Variants in CERK observed in about 807,000 individuals in gnomAD.
CERK encodes the protein acylsphingosine kinase.
A neutral mutation model predicts 63.4 loss-of-function variants in CERK; 39 were observed. The ratio of observed to expected loss-of-function variants is 0.61; its 90% confidence interval spans 0.48 to 0.80. The LOEUF (loss-of-function observed/expected upper bound fraction) is 0.80. Among genes scored for constraint, CERK ranks in the 30% least tolerant of loss-of-function variants. CERK has a pLI of 0.00. For missense variants in CERK, 670 were observed against 714.1 expected, an observed-to-expected ratio of 0.94 and a Z score of 0.70; for synonymous variants, 302 against 280.0, an observed-to-expected ratio of 1.08 and a Z score of -0.78.
chr22:46,724,986 A>C (rs541159874), intron 1 of CERK, among the ~76,000 whole-genome samples: 1 of 151,836 alleles, frequency 6.6e-6, no homozygotes, highest in South Asian at 2.1e-4. Flanking sequence ...GCGCCACTGC[A>C]CTCCAGCCTG....
intron 1 of CERK, among the ~76,000 whole-genome samples, chr22:46,735,736 G>A (rs1601735174): frequency 6.6e-6 from 1 of 152,150 alleles, no homozygotes; most frequent in East Asian, 1.9e-4. Flanking sequence ...GAATGGGGAG[G>A]GCTGGGCAAT....
rs751211675 is a variant in CERK, at chr22:46,720,107, G to A, written c.358C>T (p.Arg120Trp). The change falls in exon 3 of 13, where the codon CGG becomes TGG. Residue 120 changes from arginine to tryptophan, a missense_variant. Coordinates refer to ENST00000216264, the MANE Select transcript of CERK (RefSeq NM_022766.6). The part of the protein sequence containing the change: ...QLCHLWLQTL[R>W]EMLEKLTSRP... Reference sequence around the variant, plus strand: ...GTACTCAGCTTCTCCAGCATCTCCCGCAGGGTCTGCAGCCACAAGTGACAC... The same window carrying A: ...GTACTCAGCTTCTCCAGCATCTCCCACAGGGTCTGCAGCCACAAGTGACAC... 3.5e-5 allele frequency: 57 copies of A among 1,613,788 alleles called. No individual in the cohort carries two copies. The highest frequency in any genetic ancestry group is 2.4e-4 in the South Asian group (22 of 91,062).
At chr22:46,695,152 A>C in intron 9 of CERK, 58 bp downstream of exon 9, 1 of 922,376 alleles carries the variant, frequency 1.1e-6, no homozygotes. Context: ...CACCTTCCTA[A>C]CCGTCCTGCT....
intron 1 of CERK, among the ~76,000 whole-genome samples, chr22:46,722,849 G>T (rs574538992): frequency 6.6e-6 from 1 of 152,334 alleles, no homozygotes; most frequent in South Asian, 2.1e-4. Flanking sequence ...AGCGACACAG[G>T]TGCTGGGGCA....
intron 6 of CERK, among the ~76,000 whole-genome samples, chr22:46,706,347 C>T (rs1002146755): frequency 1.3e-5 from 2 of 152,188 alleles, no homozygotes; most frequent in Non-Finnish European, 2.9e-5. Context: ...ACCGAGAGGT[C>T]GGCGGCACAC....
intron 8 of CERK, among the ~76,000 whole-genome samples, chr22:46,698,620 G>A (rs566347826): frequency 1.3e-5 from 2 of 152,296 alleles, no homozygotes; most frequent in South Asian, 4.1e-4. Context: ...GCCAGGCATG[G>A]TTGCTCATGG....
At chr22:46,712,092 A>C in intron 4 of CERK, 76 bp downstream of exon 4, 2 of 1,544,088 alleles carry the variant, frequency 1.3e-6, no homozygotes, top group South Asian at 2.3e-5. Context: ...GTCTAGAAAA[A>C]GCAGAAACGT....
chr22:46,732,199 A>G (rs1293255059), intron 1 of CERK, among the ~76,000 whole-genome samples: 2 of 151,966 alleles, frequency 1.3e-5, no homozygotes, highest in Non-Finnish European at 2.9e-5. Flanking sequence ...GGCCTAGGAG[A>G]GAGGCCGAGT....
chr22:46,717,055 C>T (rs968433107), intron 3 of CERK, among the ~76,000 whole-genome samples: 2 of 152,092 alleles, frequency 1.3e-5, no homozygotes, highest in Non-Finnish European at 1.5e-5. Flanking sequence ...TCTGAATGGC[C>T]CATGAACATA....
intron 8 of CERK, 104 bp downstream of exon 8, chr22:46,699,208 TG>T (rs1397098077): frequency 6.6e-6 from 8 of 1,205,618 alleles, no homozygotes; most frequent in Non-Finnish European, 9.7e-6. Context: ...TGTGAGCAGG[TG>T]GGGGCCCACC....
intron 9 of CERK, among the ~76,000 whole-genome samples, chr22:46,694,944 C>A (rs966372093): frequency 6.6e-6 from 1 of 152,234 alleles, no homozygotes; most frequent in Admixed American, 6.5e-5. Flanking sequence ...TCAGCCCCCA[C>A]TCCAACAGTG....
chr22:46,685,082 G>GA lies in CERK; in HGVS notation c.*2051_*2052insT, dbSNP rs954495006. 3 of 135,890 alleles carry GA rather than the reference G, an allele frequency of 2.2e-5. No homozygotes were observed. Among genetic ancestry groups the GA allele is most frequent in the South Asian group, 4.5e-4 (2 of 4,470 alleles). The allele number at this position is 135,890 out of a possible 1,614,324, so 8.4% of individuals were successfully genotyped here. ...GGGAAACTTTTTTTTTTGTTGGGGG[G>GA]GGCGATGGAGTCTCCCTCTGTTTGC... On this transcript the variant is annotated 3_prime_UTR_variant, in exon 13 of 13. Transcript: ENST00000216264.
chr22:46,723,064 G>A (rs1269450706), intron 1 of CERK, among the ~76,000 whole-genome samples: 1 of 152,162 alleles, frequency 6.6e-6, no homozygotes, highest in Non-Finnish European at 1.5e-5. Context: ...CAAGTGTTCG[G>A]GACAGGGCAA....
At chr22:46,732,096 A>G (rs1419824028) in intron 1 of CERK, among the ~76,000 whole-genome samples, 1 of 152,176 alleles carries the variant, frequency 6.6e-6, no homozygotes, top group Non-Finnish European at 1.5e-5. Flanking sequence ...GAGAAGAGGT[A>G]TGGGATCCGG....
At position 46,713,521 on chromosome 22, in the gene CERK, A is replaced by C. The variant is rs906435061; in HGVS notation, c.380-1228T>G. ...GAGACTTCATCTCAAAAAAAAAAAA[A>C]AAAAAAAACAAACAAACAAAAAAAC... On this transcript the variant is annotated intron_variant, in intron 3 of 12. Coordinates refer to ENST00000216264, the MANE Select transcript of CERK (RefSeq NM_022766.6). Among the ~76,000 whole-genome samples the C allele has an allele frequency of 6.7e-3, 1,016 of 150,954 alleles. 13 individuals are homozygous for C. The highest frequency in any genetic ancestry group is 0.023 in the African/African-American group (961 of 41,134).
chr22:46,721,445 CA>C (rs2082892300), intron 1 of CERK, among the ~76,000 whole-genome samples: 2 of 151,972 alleles, frequency 1.3e-5, no homozygotes, highest in Admixed American at 1.3e-4. Context: ...CCCCCTCCCC[CA>C]AAAAGGAAGG....
chr22:46,691,901 A>C, intron 10 of CERK, 124 bp from the exon 11 acceptor site: 135 of 644,930 alleles, frequency 2.1e-4, no homozygotes, highest in Middle Eastern at 8.7e-4. Context: ...ACTTCATGCA[A>C]TCGACTCTTC....
intron 1 of CERK, among the ~76,000 whole-genome samples, chr22:46,732,336 G>T (rs1037531992): frequency 2.0e-5 from 3 of 151,032 alleles, no homozygotes; most frequent in African/African-American, 7.3e-5. Flanking sequence ...CCAGCTACAG[G>T]TTCCTGAGAT....
At chr22:46,731,250 G>T (rs1351810993) in intron 1 of CERK, among the ~76,000 whole-genome samples, 1 of 152,268 alleles carries the variant, frequency 6.6e-6, no homozygotes, top group Non-Finnish European at 1.5e-5. Context: ...GCCTGGTGGG[G>T]AGACAGGGCT....
Sources: allele counts gnomAD v4.1 joint callset (sites outside exome capture counted in the v4.1 genomes callset), GRCh38; gene constraint gnomAD v4.1.1; transcripts MANE v1.5; gene names NCBI Gene and HGNC (gene_info 2026-07-23, HGNC 2026-07-21).